Variants in GRID1 observed in about 807,000 individuals in gnomAD.
GRID1 encodes glutamate receptor ionotropic, delta-1.
Under a neutral mutation model 98.0 loss-of-function variants are expected in GRID1, and 28 were observed. That is an observed-to-expected ratio of 0.29 (90% CI 0.21 to 0.39). GRID1 has a LOEUF of 0.39. Among genes scored for constraint, GRID1 ranks in the 10% least tolerant of loss-of-function variants. The pLI, the probability that GRID1 is intolerant of heterozygous loss-of-function variation, is 1.00. For missense variants in GRID1, 1,111 were observed against 1,340.5 expected (o/e 0.83, Z 2.67); for synonymous variants, 553 against 538.5 (o/e 1.03, Z -0.37).
intron 4 of GRID1, among the ~76,000 whole-genome samples, chr10:86,048,668 T>C (rs562854368): frequency 6.6e-6 from 1 of 152,368 alleles, no homozygotes; most frequent in Admixed American, 6.5e-5. Flanking sequence ...TGCTTGTGTT[T>C]GGAAATACCA....
At chr10:86,135,110 T>A (rs983340087) in intron 4 of GRID1, among the ~76,000 whole-genome samples, 33 of 152,224 alleles carry the variant, frequency 2.2e-4, no homozygotes, top group African/African-American at 7.9e-4. Context: ...GCTGCCTTGG[T>A]CACTTCAGCA....
At chr10:85,710,043 G>A (rs1056408293) in intron 12 of GRID1, among the ~76,000 whole-genome samples, 1 of 151,996 alleles carries the variant, frequency 6.6e-6, no homozygotes, top group Non-Finnish European at 1.5e-5. Context: ...TTTTAAGATG[G>A]CAATACTGTT....
intron 13 of GRID1, among the ~76,000 whole-genome samples, chr10:85,622,842 A>G (rs1413690127): frequency 6.6e-6 from 1 of 152,226 alleles, no homozygotes; most frequent in Non-Finnish European, 1.5e-5. Flanking sequence ...AATCTTACCC[A>G]TTTGATATTT....
intron 3 of GRID1, among the ~76,000 whole-genome samples, chr10:86,179,445 G>A (rs1000252562): frequency 2.0e-5 from 3 of 152,218 alleles, no homozygotes; most frequent in Non-Finnish European, 2.9e-5. Flanking sequence ...CACGACCCCA[G>A]CAGGGAGTCA....
At chr10:86,040,509 T>TC (rs1843330633) in intron 4 of GRID1, among the ~76,000 whole-genome samples, 1 of 100,386 alleles carries the variant, frequency 1.0e-5, no homozygotes, top group Non-Finnish European at 2.0e-5. Context: ...CACTCATATC[T>TC]TAAAAAAAAA....
chr10:85,753,328 T>C (rs1033257004), intron 8 of GRID1, among the ~76,000 whole-genome samples: 1 of 152,204 alleles, frequency 6.6e-6, no homozygotes, highest in Non-Finnish European at 1.5e-5. Context: ...ATGGGCAGAC[T>C]GACATGTAGA....
Position 85,723,060 on chromosome 10 carries a change from G to A in GRID1, c.1940C>T (p.Ser647Phe), listed in dbSNP as rs142392867. The part of the protein sequence containing the change: ...WWLFTLIVCS[S>F]YTANLAAFLT... Reference sequence around the variant, plus strand: ...GAAGGCAGCAAGGTTGGCTGTGTAGGAGGAGCACACAATGAGCGTGAAGAG... The same window carrying A: ...GAAGGCAGCAAGGTTGGCTGTGTAGAAGGAGCACACAATGAGCGTGAAGAG... Residue 647 changes from serine (S) to phenylalanine (F), a missense_variant, in exon 12 of 16, where the codon TCC becomes TTC. Coordinates refer to ENST00000327946, the MANE Select transcript of GRID1 (RefSeq NM_017551.3). The A allele has an allele frequency of 1.1e-5, 17 of 1,612,704 alleles. No individual in the cohort carries two copies. The highest frequency in any genetic ancestry group is 1.4e-5 in the Non-Finnish European group (17 of 1,179,404).
At chr10:86,114,089 C>G (rs1331342758) in intron 4 of GRID1, among the ~76,000 whole-genome samples, 1 of 150,360 alleles carries the variant, frequency 6.7e-6, no homozygotes, top group South Asian at 2.1e-4. Flanking sequence ...GGGATCATAA[C>G]CCCCTGAAGG....
At chr10:86,175,859 G>A (rs902532590) in intron 3 of GRID1, among the ~76,000 whole-genome samples, 3 of 152,148 alleles carry the variant, frequency 2.0e-5, no homozygotes, top group African/African-American at 2.4e-5. Flanking sequence ...ACAGGCATGC[G>A]CCACCATGCC....
chr10:85,648,565 C>T (rs1433165734), intron 12 of GRID1, among the ~76,000 whole-genome samples: 2 of 152,182 alleles, frequency 1.3e-5, no homozygotes, highest in Non-Finnish European at 2.9e-5. Flanking sequence ...ACTGGATCTA[C>T]ACAACCCTCC....
chr10:85,882,658 A>T (rs549858319), intron 5 of GRID1, among the ~76,000 whole-genome samples: 2 of 152,338 alleles, frequency 1.3e-5, no homozygotes, highest in African/African-American at 4.8e-5. Flanking sequence ...GCATTAGGAG[A>T]CACACCTAAT....
intron 4 of GRID1, among the ~76,000 whole-genome samples, chr10:86,034,962 T>TTGGA (rs926176657): frequency 6.9e-6 from 1 of 144,432 alleles, no homozygotes; most frequent in Non-Finnish European, 1.5e-5. Flanking sequence ...GGATAGATGG[T>TTGGA]TGGATGGATG....
rs71503844 is a variant in GRID1 at position 85,698,195 on chromosome 10, C to T, written c.1997+24808G>A. On this transcript the variant is annotated intron_variant, in intron 12 of 15. Coordinates refer to ENST00000327946, the MANE Select transcript of GRID1 (RefSeq NM_017551.3). ...ATGTCAGATAAATTCAGATCATATC[C>T]AACTGTTTATGATTCCTGTTCAATG... Among the ~76,000 whole-genome samples, 1,047 of 152,160 alleles carry T rather than the reference C, an allele frequency of 6.9e-3. 4 individuals are homozygous for T. The highest frequency in any genetic ancestry group is 0.012 in the Non-Finnish European group (834 of 67,994).
At chr10:86,001,806 CT>C (rs1049812554) in intron 4 of GRID1, among the ~76,000 whole-genome samples, 1 of 151,740 alleles carries the variant, frequency 6.6e-6, no homozygotes, top group African/African-American at 2.4e-5. Flanking sequence ...AACTGGATGC[CT>C]GAAAAAAAAG....
chr10:86,269,863 G>A (rs763421702), intron 2 of GRID1, among the ~76,000 whole-genome samples: 31 of 152,104 alleles, frequency 2.0e-4, no homozygotes, highest in Non-Finnish European at 4.0e-4. Context: ...CCTGAAAGAT[G>A]CCTGTAATAC....
At chr10:86,067,620 C>T (rs924024154) in intron 4 of GRID1, among the ~76,000 whole-genome samples, 2 of 152,226 alleles carry the variant, frequency 1.3e-5, no homozygotes, top group African/African-American at 4.8e-5. Context: ...AGATCCCCTC[C>T]ACCACCGGGT....
chr10:86,023,231 G>A (rs192641632), intron 4 of GRID1, among the ~76,000 whole-genome samples: 32 of 152,298 alleles, frequency 2.1e-4, no homozygotes, highest in African/African-American at 7.7e-4. Context: ...TAGTCCGAAG[G>A]TGAAATGTAT....
chr10:86,318,746 T>TCATTCATTCATTCATC (rs1847931552), intron 2 of GRID1, among the ~76,000 whole-genome samples: 1 of 152,158 alleles, frequency 6.6e-6, no homozygotes, highest in Admixed American at 6.5e-5. Flanking sequence ...ACTCCCTCAT[T>TCATTCATTCATTCATC]CATTCATTCA....
chr10:86,131,382 A>G (rs867404402), intron 4 of GRID1, among the ~76,000 whole-genome samples: 2 of 152,228 alleles, frequency 1.3e-5, no homozygotes, highest in Middle Eastern at 3.4e-3. Flanking sequence ...CCTATTTCTC[A>G]TGTCTGCTGC....
Sources: allele counts gnomAD v4.1 joint callset (sites outside exome capture counted in the v4.1 genomes callset), GRCh38; gene constraint gnomAD v4.1.1; transcripts MANE v1.5; gene names NCBI Gene and HGNC (gene_info 2026-07-23, HGNC 2026-07-21).